Variants in LRFN5 observed in about 807,000 individuals in gnomAD.
LRFN5 encodes the protein leucine-rich repeat and fibronectin type-III domain-containing protein 5.
In LRFN5, 24 loss-of-function variants were observed where a neutral mutation model predicts 45.6. The observed-to-expected ratio is 0.53, with a 90% CI of 0.38 to 0.74. The LOEUF (loss-of-function observed/expected upper bound fraction) is 0.74. Among genes scored for constraint, LRFN5 ranks in the 30% least tolerant of loss-of-function variants. LRFN5 has a pLI of 0.00. For synonymous variants in LRFN5, 340 were observed against 313.8 expected, an observed-to-expected ratio of 1.08 and a Z score of -0.88; for missense variants, 776 against 861.5, an observed-to-expected ratio of 0.90 and a Z score of 1.24.
chr14:41,656,092 G>A (rs1244492227), intron 1 of LRFN5, among the ~76,000 whole-genome samples: 1 of 151,892 alleles, frequency 6.6e-6, no homozygotes, highest in Non-Finnish European at 1.5e-5. Context: ...GAGTAATGTA[G>A]TAATCTTAGT....
At chr14:41,675,524 G>A (rs951377029) in intron 1 of LRFN5, among the ~76,000 whole-genome samples, 1 of 152,204 alleles carries the variant, frequency 6.6e-6, no homozygotes, top group Non-Finnish European at 1.5e-5. Flanking sequence ...AATCAGGCAG[G>A]GAGGTTGCAG....
chr14:41,845,317 G>T (rs1247021366), intron 2 of LRFN5, among the ~76,000 whole-genome samples: 1 of 151,986 alleles, frequency 6.6e-6, no homozygotes, highest in East Asian at 1.9e-4. Flanking sequence ...TATTAGAAAA[G>T]ATTGTATACA....
chr14:41,844,241 TC>T (rs1888972094), intron 2 of LRFN5, among the ~76,000 whole-genome samples: 1 of 151,896 alleles, frequency 6.6e-6, no homozygotes, highest in African/African-American at 2.4e-5. Context: ...ATCGAGACCA[TC>T]CTGGCTAACA....
chr14:41,671,617 G>GTTTTTTTTTTTTTTTTTTTT lies in LRFN5; in HGVS notation c.-197+63056_-197+63075dup, dbSNP rs914212982. Among the ~76,000 whole-genome samples, 23 of 78,024 alleles carry GTTTTTTTTTTTTTTTTTTTT rather than the reference G, an allele frequency of 2.9e-4. 5 individuals carry two copies. Among genetic ancestry groups the GTTTTTTTTTTTTTTTTTTTT allele is most frequent in the African/African-American group, 9.1e-4 (17 of 18,600 alleles). The allele number at this position is 78,024 out of a possible 152,430, so 51.2% of individuals were successfully genotyped here. A position where few individuals can be genotyped will look rare whatever the true frequency, so the allele number is the denominator to read the frequency against. On this transcript the variant is annotated intron_variant, in intron 1 of 5. Coordinates refer to ENST00000298119, the MANE Select transcript of LRFN5 (RefSeq NM_152447.5). Reference sequence around the variant, plus strand: ...TGTGGAGGAGAGATTTTTTTTTTTCGTTTTTTTTTTTTTTTTTTTTACGGA... The same window carrying GTTTTTTTTTTTTTTTTTTTT: ...TGTGGAGGAGAGATTTTTTTTTTTCGTTTTTTTTTTTTTTTTTTTTTTTTTTTTTTTTTTTTTTTTACGGA...
At chr14:41,683,238 A>T (rs573044417) in intron 1 of LRFN5, among the ~76,000 whole-genome samples, 62 of 152,308 alleles carry the variant, frequency 4.1e-4, no homozygotes, top group African/African-American at 1.3e-3. Context: ...ATTTCAATTG[A>T]TGCTGAGAGG....
intron 1 of LRFN5, among the ~76,000 whole-genome samples, chr14:41,635,801 T>C (rs138032383): frequency 6.6e-6 from 1 of 152,182 alleles, no homozygotes; most frequent in African/African-American, 2.4e-5. Flanking sequence ...GATATTTATG[T>C]ATGTTTTTCC....
chr14:41,767,602 T>A (rs1407961634), intron 2 of LRFN5, among the ~76,000 whole-genome samples: 1 of 152,050 alleles, frequency 6.6e-6, no homozygotes, highest in Non-Finnish European at 1.5e-5. Context: ...CCTTTAAATG[T>A]GCATACTAGA....
chr14:41,802,859 A>G (rs867211262), intron 2 of LRFN5, among the ~76,000 whole-genome samples: 4 of 152,176 alleles, frequency 2.6e-5, no homozygotes, highest in African/African-American at 9.6e-5. Context: ...TTACTTGACA[A>G]TGAGATTGTG....
At chr14:41,834,226 A>G (rs1420419575) in intron 2 of LRFN5, among the ~76,000 whole-genome samples, 5 of 152,192 alleles carry the variant, frequency 3.3e-5, no homozygotes, top group Non-Finnish European at 7.4e-5. Context: ...TTTGGTCTCA[A>G]TCTGCATAAT....
intron 1 of LRFN5, among the ~76,000 whole-genome samples, chr14:41,706,503 G>A (rs990140474): frequency 6.6e-6 from 1 of 151,860 alleles, no homozygotes; most frequent in South Asian, 2.1e-4. Flanking sequence ...GGCTTATTGA[G>A]TCAAAGATTC....
intron 3 of LRFN5, 69 bp from the exon 4 acceptor site, chr14:41,891,169 ACTGAACTAAAGT>A (rs1890766218): frequency 1.8e-5 from 19 of 1,055,802 alleles, no homozygotes; most frequent in Middle Eastern, 2.1e-4. Context: ...CTGAAATGAC[ACTGAACTAAAGT>A]CATAATGACT....
intron 1 of LRFN5, among the ~76,000 whole-genome samples, chr14:41,679,970 C>T (rs1317113876): frequency 6.6e-6 from 1 of 152,154 alleles, no homozygotes; most frequent in African/African-American, 2.4e-5. Context: ...CATCAGTAGC[C>T]AGGCAGTAGT....
At chr14:41,848,904 A>C (rs1008838205) in intron 2 of LRFN5, among the ~76,000 whole-genome samples, 8 of 151,974 alleles carry the variant, frequency 5.3e-5, no homozygotes, top group African/African-American at 1.9e-4. Flanking sequence ...GCTTTGGAAT[A>C]CTTCTAGGCT....
At chr14:41,754,551 G>A (rs142290232) in intron 1 of LRFN5, among the ~76,000 whole-genome samples, 3,503 of 152,140 alleles carry the variant, frequency 0.023, 45 homozygotes, top group Middle Eastern at 0.037. Flanking sequence ...GTTTATTTGC[G>A]TAGAGGTGTT....
At chr14:41,754,078 G>A (rs1309114090) in intron 1 of LRFN5, among the ~76,000 whole-genome samples, 1 of 152,116 alleles carries the variant, frequency 6.6e-6, no homozygotes, top group African/African-American at 2.4e-5. Flanking sequence ...ATTGATTTAC[G>A]TATATTGAAC....
At chr14:41,826,695 G>A (rs900350161) in intron 2 of LRFN5, among the ~76,000 whole-genome samples, 1 of 152,112 alleles carries the variant, frequency 6.6e-6, no homozygotes, top group Non-Finnish European at 1.5e-5. Context: ...CATGAAACCA[G>A]AGGCCAGATT....
intron 3 of LRFN5, among the ~76,000 whole-genome samples, chr14:41,889,676 A>G (rs2139158245): frequency 6.6e-6 from 1 of 152,262 alleles, no homozygotes; most frequent in South Asian, 2.1e-4. Context: ...TGTCATTTGT[A>G]AAATAGTGAT....
At chr14:41,744,494 A>T (rs1462568509) in intron 1 of LRFN5, among the ~76,000 whole-genome samples, 2 of 152,182 alleles carry the variant, frequency 1.3e-5, no homozygotes, top group Non-Finnish European at 2.9e-5. Flanking sequence ...TATGGAAAAC[A>T]AATAGCAACA....
In LRFN5 at chr14:41,751,675, A is replaced by G. The variant is rs551092756; in HGVS notation, c.-196-15179A>G. 2.6e-5 allele frequency among the ~76,000 whole-genome samples: 4 copies of G among 152,258 alleles called. 1 individual carries two copies. The highest frequency in any genetic ancestry group is 9.6e-5 in the African/African-American group (4 of 41,544). On this transcript the variant is annotated intron_variant, in intron 1 of 5. Coordinates refer to ENST00000298119, the MANE Select transcript of LRFN5 (RefSeq NM_152447.5). ...GCATAGGGTTAACTTAACCTTAAGT[A>G]TCTTACTAAAGGCAGTCTCACAGGA...
Sources: gnomAD v4.1 joint callset for allele counts (sites outside exome capture counted in the v4.1 genomes callset) on GRCh38, gnomAD v4.1.1 for gene constraint, MANE v1.5 for transcripts, NCBI Gene and HGNC (gene_info 2026-07-23, HGNC 2026-07-21) for gene names.